The following SLC35F3 variants were observed in gnomAD, a reference collection of about 807,000 sequenced individuals.
The protein encoded by SLC35F3 is solute carrier family 35 member F3, also known as putative thiamine transporter SLC35F3.
SLC35F3 carries 25 observed loss-of-function variants against 49.9 expected under a neutral mutation model. That is an observed-to-expected ratio of 0.50 (90% confidence interval 0.37 to 0.70). The LOEUF (loss-of-function observed/expected upper bound fraction) is 0.70, where lower values mean the gene tolerates loss of function less well. Ranked by LOEUF, SLC35F3 falls within the 30% of genes least tolerant of loss-of-function variation. The pLI, the probability that SLC35F3 is intolerant of heterozygous loss-of-function variation, is 0.00. For synonymous variants in SLC35F3, 275 were observed against 265.4 expected, an observed-to-expected ratio of 1.04 and a Z score of -0.35; for missense variants, 525 against 639.8, an observed-to-expected ratio of 0.82 and a Z score of 1.94.
intron 2 of SLC35F3, among the ~76,000 whole-genome samples, chr1:234,167,447 TC>T (rs1455488238): frequency 6.6e-6 from 1 of 151,980 alleles, no homozygotes; most frequent in African/African-American, 2.4e-5. Context: ...GAGCACTGGA[TC>T]CCCCCAAATC....
intron 3 of SLC35F3, among the ~76,000 whole-genome samples, chr1:234,268,315 C>T (rs1294293439): frequency 1.4e-5 from 2 of 147,726 alleles, no homozygotes; most frequent in Non-Finnish European, 3.0e-5. Context: ...ACCAGTCAGG[C>T]GTGGCGGCGC....
At chr1:234,271,287 A>G (rs964604001) in intron 3 of SLC35F3, among the ~76,000 whole-genome samples, 1 of 152,230 alleles carries the variant, frequency 6.6e-6, no homozygotes, top group Non-Finnish European at 1.5e-5. Context: ...GAGAAGGCAC[A>G]AGAACTGAGC....
At chr1:234,006,564 A>G (rs1266281371) in intron 2 of SLC35F3, among the ~76,000 whole-genome samples, 1 of 152,230 alleles carries the variant, frequency 6.6e-6, no homozygotes, top group South Asian at 2.1e-4. Flanking sequence ...GTGTGATACT[A>G]AAGTATATGG....
chr1:234,237,860 A>G (rs1199653144), intron 3 of SLC35F3, among the ~76,000 whole-genome samples: 1 of 151,880 alleles, frequency 6.6e-6, no homozygotes, highest in Non-Finnish European at 1.5e-5. Context: ...TTTCTTCGTT[A>G]TTGTTATTGT....
intron 2 of SLC35F3, among the ~76,000 whole-genome samples, chr1:234,069,031 A>T (rs1186483825): frequency 2.0e-4 from 18 of 88,402 alleles, no homozygotes; most frequent in South Asian, 3.3e-4. Context: ...TAATATATAA[A>T]ATTATATAAT....
intron 2 of SLC35F3, among the ~76,000 whole-genome samples, chr1:233,950,589 T>C (rs899971308): frequency 1.3e-5 from 2 of 149,014 alleles, no homozygotes; most frequent in African/African-American, 2.5e-5. Flanking sequence ...TCGTACCTCC[T>C]TCCTCTTTCC....
At chr1:234,247,884 C>CTGGTGCATTGTTTGATGGGTCAGTTGGG (rs1354822994) in intron 3 of SLC35F3, among the ~76,000 whole-genome samples, 576 of 7,232 alleles carry the variant, frequency 0.08, 16 homozygotes, top group African/African-American at 0.19. Flanking sequence ...GGTCAGTTGG[C>CTGGTGCATTGTTTGATGGGTCAGTTGGG]TGGTCCGTTG....
rs1662731872 is a variant in SLC35F3, at chr1:233,957,832, A to G, written c.283+52074A>G. Among the ~76,000 whole-genome samples, 1 of 152,014 alleles carries G rather than the reference A, an allele frequency of 6.6e-6. No individual in the cohort carries two copies. Among genetic ancestry groups the G allele is most frequent in the Non-Finnish European group, 1.5e-5 (1 of 67,998 alleles). Reference sequence around the variant, plus strand: ...CTCCATCTCAAAAAAAAAATACAATAATCATTTTATTATTGCTTGTGGTTT... The same window carrying G: ...CTCCATCTCAAAAAAAAAATACAATGATCATTTTATTATTGCTTGTGGTTT... On this transcript the variant is annotated intron_variant, in intron 2 of 7. Transcript: ENST00000366618. This position sits in a 1 kb window ranked among gnomAD's most constrained non-coding sequence, Gnocchi z 4.0.
At chr1:234,127,628 A>G (rs1311809487) in intron 2 of SLC35F3, among the ~76,000 whole-genome samples, 1 of 152,244 alleles carries the variant, frequency 6.6e-6, no homozygotes, top group African/African-American at 2.4e-5. Flanking sequence ...GAATGTCATA[A>G]TAGACTGATT....
At chr1:234,035,767 C>T (rs1664132215) in intron 2 of SLC35F3, among the ~76,000 whole-genome samples, 2 of 151,826 alleles carry the variant, frequency 1.3e-5, no homozygotes, top group South Asian at 4.1e-4. Context: ...TTTTGTTTGC[C>T]AACTTTTTAA....
At chr1:233,920,571 C>G (rs563312060) in intron 2 of SLC35F3, among the ~76,000 whole-genome samples, 89 of 152,322 alleles carry the variant, frequency 5.8e-4, no homozygotes, top group Middle Eastern at 6.8e-3. Context: ...ACCAGGTACC[C>G]CCTCTGGTGT....
chr1:234,053,065 G>A (rs1414926582), intron 2 of SLC35F3, among the ~76,000 whole-genome samples: 1 of 152,128 alleles, frequency 6.6e-6, no homozygotes, highest in Non-Finnish European at 1.5e-5. Flanking sequence ...CAACTATGTG[G>A]TCAATTATGG....
At chr1:234,173,776 A>G (rs1173548366) in intron 2 of SLC35F3, among the ~76,000 whole-genome samples, 1 of 152,212 alleles carries the variant, frequency 6.6e-6, no homozygotes, top group East Asian at 1.9e-4. Context: ...AAGCTACCCC[A>G]AGGCCATTTG....
chr1:234,173,919 T>A (rs555695614), intron 2 of SLC35F3, among the ~76,000 whole-genome samples: 1 of 152,330 alleles, frequency 6.6e-6, no homozygotes, highest in Non-Finnish European at 1.5e-5. Context: ...TGGGAGCGAT[T>A]TTCTCCTCTG....
At chr1:234,149,873 A>G (rs1666047850) in intron 2 of SLC35F3, among the ~76,000 whole-genome samples, 1 of 152,218 alleles carries the variant, frequency 6.6e-6, no homozygotes, top group Admixed American at 6.5e-5. Flanking sequence ...TTAACTGCCC[A>G]GAACAGTCCA....
intron 2 of SLC35F3, among the ~76,000 whole-genome samples, chr1:234,193,869 GA>G (rs1286258480): frequency 6.6e-6 from 1 of 152,096 alleles, no homozygotes; most frequent in Non-Finnish European, 1.5e-5. Flanking sequence ...AATGATAAAG[GA>G]AATGTAAATG....
chr1:234,151,145 A>T (rs1666069669), intron 2 of SLC35F3, among the ~76,000 whole-genome samples: 1 of 152,132 alleles, frequency 6.6e-6, no homozygotes, highest in Non-Finnish European at 1.5e-5. Flanking sequence ...GTCAGAATTG[A>T]GCAGGATGGG....
At chr1:233,927,668 A>C (rs143222738) in intron 2 of SLC35F3, among the ~76,000 whole-genome samples, 5 of 152,232 alleles carry the variant, frequency 3.3e-5, no homozygotes, top group South Asian at 2.1e-4. Context: ...ATACATATGG[A>C]CACAGAAAAT....
chr1:234,089,438 T>C (rs750060059), intron 2 of SLC35F3, among the ~76,000 whole-genome samples: 10 of 152,136 alleles, frequency 6.6e-5, no homozygotes, highest in Non-Finnish European at 1.3e-4. Context: ...GTGTTGGCCA[T>C]TCAGGTGGTT....
Sources: allele counts gnomAD v4.1 joint callset (sites outside exome capture counted in the v4.1 genomes callset), GRCh38; gene constraint gnomAD v4.1.1; non-coding constraint Gnocchi (gnomAD v3.1); transcripts MANE v1.5; gene names NCBI Gene and HGNC (gene_info 2026-07-23, HGNC 2026-07-21).